Variants in VAV3 observed in about 807,000 individuals in gnomAD.
The protein encoded by VAV3 is guanine nucleotide exchange factor VAV3.
VAV3 carries 94 observed loss-of-function variants against 131.2 expected under a neutral mutation model. The ratio of observed to expected loss-of-function variants is 0.72; its 90% CI spans 0.61 to 0.85. The LOEUF (loss-of-function observed/expected upper bound fraction) is 0.85, where lower values mean the gene tolerates loss of function less well. Ranked by LOEUF, VAV3 falls within the 40% of genes least tolerant of loss-of-function variation. The probability of loss-of-function intolerance (pLI) is 0.00; values close to 1 mark genes in which losing one functional copy is unlikely to be tolerated. For synonymous variants in VAV3, 349 were observed against 342.0 expected (o/e 1.02, Z -0.22); for missense variants, 939 against 1,002.7 (o/e 0.94, Z 0.86).
intron 2 of VAV3, among the ~76,000 whole-genome samples, chr1:107,811,794 T>C (rs1401481957): frequency 6.6e-6 from 1 of 152,098 alleles, no homozygotes; most frequent in Non-Finnish European, 1.5e-5. Context: ...AGGTGAACAC[T>C]AAGAGGTGAT....
Position 107,749,474 on chromosome 1 carries a change from T to C in VAV3, c.1380A>G (p.Lys460=), listed in dbSNP as rs367974781. ...TCCAAAAAGTCACCTTTTTGTTTTC[T>C]TTATCGGTTGTAGGATTATTGGCTA... is the stretch of plus-strand genomic sequence containing the variant. ...YKIANNPTTD[K]ENKKWSYGFY... is the part of the protein sequence containing the mutation. Residue 460 remains lysine (K), a synonymous_variant, in exon 14 of 27, where the codon AAA becomes AAG. Coordinates refer to ENST00000370056, the MANE Select transcript of VAV3 (RefSeq NM_006113.5). 1 of 1,592,948 alleles carries C rather than the reference T, an allele frequency of 6.3e-7. No homozygotes were observed. Among genetic ancestry groups the C allele is most frequent in the Non-Finnish European group, 8.5e-7 (1 of 1,174,990 alleles).
At chr1:107,644,739 A>G (rs1437371295) in intron 19 of VAV3, among the ~76,000 whole-genome samples, 2 of 152,094 alleles carry the variant, frequency 1.3e-5, no homozygotes, top group Non-Finnish European at 2.9e-5. Flanking sequence ...TTCACCACCC[A>G]AATATATATT....
intron 2 of VAV3, among the ~76,000 whole-genome samples, chr1:107,854,263 T>C (rs1451373707): frequency 1.3e-5 from 2 of 152,148 alleles, no homozygotes; most frequent in Middle Eastern, 3.2e-3. Flanking sequence ...TTAGCCGAGA[T>C]TGTACCACTG....
intron 1 of VAV3, among the ~76,000 whole-genome samples, chr1:107,884,534 C>A (rs529241791): frequency 2.0e-4 from 30 of 151,384 alleles, no homozygotes; most frequent in African/African-American, 6.8e-4. Context: ...TCAATCTGAT[C>A]TCATGTGCTC....
chr1:107,602,362 G>T (rs751354243), intron 24 of VAV3, 35 bp downstream of exon 24: 1 of 1,410,330 alleles, frequency 7.1e-7, no homozygotes, highest in Non-Finnish European at 9.6e-7. Context: ...AGAAAAATAA[G>T]GATCCCAGAT....
At chr1:107,963,133 G>A (rs1675213889) in intron 1 of VAV3, among the ~76,000 whole-genome samples, 1 of 152,180 alleles carries the variant, frequency 6.6e-6, no homozygotes, top group South Asian at 2.1e-4. Flanking sequence ...CAGAAAACGT[G>A]ATTATTGAGA....
intron 1 of VAV3, among the ~76,000 whole-genome samples, chr1:107,960,541 T>C (rs1675036360): frequency 6.6e-6 from 1 of 152,094 alleles, no homozygotes; most frequent in African/African-American, 2.4e-5. Flanking sequence ...TGACCTCTCA[T>C]TTCACTCAAA....
chr1:107,602,649 C>T (rs1651953369), intron 23 of VAV3, among the ~76,000 whole-genome samples, 165 bp from the exon 24 acceptor site: 1 of 152,044 alleles, frequency 6.6e-6, no homozygotes, highest in Admixed American at 6.5e-5. Context: ...AATATATTTA[C>T]TGGATTGGTT....
chr1:107,631,006 G>C (rs140509596), intron 20 of VAV3, among the ~76,000 whole-genome samples: 26 of 152,196 alleles, frequency 1.7e-4, no homozygotes, highest in African/African-American at 6.3e-4. Context: ...AACATTGTAA[G>C]ATCTTAAGTG....
At chr1:107,812,762 G>GT (rs1374098450) in intron 2 of VAV3, among the ~76,000 whole-genome samples, 1 of 152,090 alleles carries the variant, frequency 6.6e-6, no homozygotes, top group Non-Finnish European at 1.5e-5. Flanking sequence ...TCTATGTCAT[G>GT]TTTTTTTCCC....
At chr1:107,657,223 G>A (rs1656636300) in intron 19 of VAV3, among the ~76,000 whole-genome samples, 1 of 152,034 alleles carries the variant, frequency 6.6e-6, no homozygotes, top group Admixed American at 6.6e-5. Context: ...CCAAAGTGCT[G>A]GCATTACAGG....
intron 19 of VAV3, among the ~76,000 whole-genome samples, chr1:107,673,210 G>C (rs551172043): frequency 6.6e-5 from 10 of 152,090 alleles, no homozygotes; most frequent in Non-Finnish European, 1.5e-4. Context: ...GTGCGGCTAG[G>C]GTGATCTTTT....
At chr1:107,598,300 G>C (rs1003946922) in intron 24 of VAV3, among the ~76,000 whole-genome samples, 1 of 152,162 alleles carries the variant, frequency 6.6e-6, no homozygotes, top group Non-Finnish European at 1.5e-5. Flanking sequence ...AGGTTGCAGT[G>C]AGCCGAGACT....
chr1:107,957,553 G>A (rs1674877674), intron 1 of VAV3, among the ~76,000 whole-genome samples: 2 of 152,064 alleles, frequency 1.3e-5, no homozygotes, highest in African/African-American at 4.8e-5. Flanking sequence ...GATGCTACAG[G>A]GAAGCGAATA....
intron 5 of VAV3, among the ~76,000 whole-genome samples, chr1:107,771,655 T>C (rs1438262041): frequency 7.2e-5 from 11 of 152,180 alleles, no homozygotes; most frequent in Admixed American, 7.2e-4. Context: ...CAAGGAATGG[T>C]AAATAAGATA....
At chr1:107,742,771 C>G (rs1021405325) in intron 15 of VAV3, among the ~76,000 whole-genome samples, 1 of 152,164 alleles carries the variant, frequency 6.6e-6, no homozygotes, top group African/African-American at 2.4e-5. Flanking sequence ...ACTGAAACGA[C>G]CTCAGATTCT....
intron 19 of VAV3, among the ~76,000 whole-genome samples, chr1:107,656,236 G>A (rs896218248): frequency 6.6e-6 from 1 of 152,082 alleles, no homozygotes; most frequent in East Asian, 1.9e-4. Context: ...ATAAGAAAAT[G>A]TGGCATATAT....
intron 22 of VAV3, among the ~76,000 whole-genome samples, chr1:107,606,085 T>C (rs927573373): frequency 6.6e-6 from 1 of 152,202 alleles, no homozygotes; most frequent in Non-Finnish European, 1.5e-5. Flanking sequence ...TCCCTCTTCC[T>C]TGATTTACTA....
At chr1:107,734,333 A>G (rs1037575405) in intron 15 of VAV3, among the ~76,000 whole-genome samples, 3 of 152,206 alleles carry the variant, frequency 2.0e-5, no homozygotes, top group African/African-American at 7.2e-5. Flanking sequence ...TAACCTCATA[A>G]TGACAGATCA....
Sources: allele counts gnomAD v4.1 joint callset (sites outside exome capture counted in the v4.1 genomes callset), GRCh38; gene constraint gnomAD v4.1.1; transcripts MANE v1.5; gene names NCBI Gene and HGNC (gene_info 2026-07-23, HGNC 2026-07-21).